Variants in NRXN1 observed in about 807,000 individuals in gnomAD.
NRXN1 encodes neurexin-1.
Under a neutral mutation model 150.9 loss-of-function variants are expected in NRXN1, and 39 were observed. The observed-to-expected ratio is 0.26, with a 90% CI of 0.20 to 0.34. The LOEUF (loss-of-function observed/expected upper bound fraction) is 0.34. Among genes scored for constraint, NRXN1 ranks in the 10% least tolerant of loss-of-function variants. The pLI, the probability that NRXN1 is intolerant of heterozygous loss-of-function variation, is 1.00. For missense variants in NRXN1, 1,815 were observed against 1,949.9 expected (o/e 0.93, Z 1.30); for synonymous variants, 924 against 757.0 (o/e 1.22, Z -3.62).
intron 10 of NRXN1, among the ~76,000 whole-genome samples, chr2:50,535,094 G>A (rs1371705836): frequency 6.6e-6 from 1 of 152,190 alleles, no homozygotes; most frequent in African/African-American, 2.4e-5. Flanking sequence ...CACAATTAGA[G>A]TTAATGTTTA....
At chr2:50,958,331 G>A (rs918520649) in intron 2 of NRXN1, among the ~76,000 whole-genome samples, 9 of 152,128 alleles carry the variant, frequency 5.9e-5, no homozygotes, top group East Asian at 1.9e-4. Flanking sequence ...ACTCTCAAAC[G>A]ACACTGGCTT....
chr2:50,199,225 T>A (rs1021574971), intron 18 of NRXN1: 2 of 152,160 alleles, frequency 1.3e-5, no homozygotes, highest in Non-Finnish European at 2.9e-5. Flanking sequence ...AAAGATTGAA[T>A]CCAAAGGTTC....
chr2:50,763,908 A>C (rs998826459), intron 5 of NRXN1, among the ~76,000 whole-genome samples: 1 of 151,882 alleles, frequency 6.6e-6, no homozygotes, highest in African/African-American at 2.4e-5. Context: ...CTTGGAACTT[A>C]GGAGTGTCCT....
intron 18 of NRXN1, among the ~76,000 whole-genome samples, chr2:50,183,477 CAA>C (rs1488428138): frequency 6.6e-6 from 1 of 151,346 alleles, no homozygotes; most frequent in Non-Finnish European, 1.5e-5. Context: ...TTTTATTTAT[CAA>C]AAAAGTCATT....
intron 2 of NRXN1, among the ~76,000 whole-genome samples, chr2:50,977,270 G>C (rs1447145283): frequency 6.6e-6 from 1 of 151,792 alleles, no homozygotes; most frequent in Non-Finnish European, 1.5e-5. Flanking sequence ...TTGGGGGTCA[G>C]AGATAATAAT....
At position 50,938,557 on chromosome 2, in the gene NRXN1, C is replaced by T. The variant is rs536702720; in HGVS notation, c.773-12602G>A. Among the ~76,000 whole-genome samples, 6 of 152,250 alleles carry T rather than the reference C, an allele frequency of 3.9e-5. No individual in the cohort carries two copies. The South Asian group carries it at 6.2e-4, about 16-fold the overall frequency. Reference sequence around the variant, plus strand: ...TCCACATTTTTGGGTATCTTTATAGCAGTACCCCACTCCTGATATCAATTT... The same window carrying T: ...TCCACATTTTTGGGTATCTTTATAGTAGTACCCCACTCCTGATATCAATTT... On this transcript the variant is annotated intron_variant, in intron 2 of 22. Transcript: ENST00000401669.
intron 5 of NRXN1, among the ~76,000 whole-genome samples, chr2:50,655,476 A>C (rs1171496015): frequency 1.3e-5 from 2 of 151,998 alleles, no homozygotes; most frequent in African/African-American, 4.8e-5. Context: ...ACCCAGTCCA[A>C]TCTGACAAGG....
intron 2 of NRXN1, among the ~76,000 whole-genome samples, chr2:50,950,689 T>G (rs1691179335): frequency 6.6e-6 from 1 of 152,196 alleles, no homozygotes; most frequent in Admixed American, 6.5e-5. Context: ...CAATAATTTT[T>G]GTAACATTAT....
chr2:50,948,263 T>C (rs1381103109), intron 2 of NRXN1, among the ~76,000 whole-genome samples: 1 of 152,014 alleles, frequency 6.6e-6, no homozygotes, highest in Non-Finnish European at 1.5e-5. Flanking sequence ...ACGTCCATTA[T>C]ATATTATGGC....
At chr2:50,577,492 T>C (rs1406753132) in intron 8 of NRXN1, among the ~76,000 whole-genome samples, 1 of 152,152 alleles carries the variant, frequency 6.6e-6, no homozygotes, top group Non-Finnish European at 1.5e-5. Context: ...GATCACATTA[T>C]ATATGGAATT....
intron 17 of NRXN1, among the ~76,000 whole-genome samples, chr2:50,419,984 A>G (rs999530162): frequency 3.3e-5 from 5 of 151,994 alleles, no homozygotes; most frequent in African/African-American, 1.2e-4. Flanking sequence ...GGCCAGCCTT[A>G]CACGTGTAAT....
chr2:51,019,945 T>C (rs1023318491), intron 2 of NRXN1, among the ~76,000 whole-genome samples: 1 of 152,056 alleles, frequency 6.6e-6, no homozygotes, highest in Middle Eastern at 3.2e-3. Context: ...TTGACTTTTA[T>C]ACTCAACATT....
intron 21 of NRXN1, among the ~76,000 whole-genome samples, chr2:50,025,100 C>G (rs1045272008): frequency 6.6e-6 from 1 of 152,258 alleles, no homozygotes; most frequent in Non-Finnish European, 1.5e-5. Context: ...AGGTTAAATT[C>G]TGAATGGGTT....
At chr2:50,622,039 T>C (rs1338094886) in intron 6 of NRXN1, among the ~76,000 whole-genome samples, 2 of 152,086 alleles carry the variant, frequency 1.3e-5, no homozygotes, top group African/African-American at 2.4e-5. Flanking sequence ...TCTTTGTGCA[T>C]ATCTGAGAGA....
intron 5 of NRXN1, among the ~76,000 whole-genome samples, chr2:50,735,502 T>C (rs1226975383): frequency 6.6e-6 from 1 of 152,146 alleles, no homozygotes; most frequent in African/African-American, 2.4e-5. Context: ...TGTCAGATTG[T>C]ATCTCAATAA....
intron 5 of NRXN1, among the ~76,000 whole-genome samples, chr2:50,745,849 C>T (rs1360795374): frequency 1.3e-5 from 2 of 152,080 alleles, no homozygotes; most frequent in Non-Finnish European, 2.9e-5. Context: ...CCACTGGGTC[C>T]CTTTCATCAC....
At chr2:50,180,703 GC>G (rs1362377275) in intron 18 of NRXN1, among the ~76,000 whole-genome samples, 1 of 152,122 alleles carries the variant, frequency 6.6e-6, no homozygotes, top group Non-Finnish European at 1.5e-5. Flanking sequence ...AGATGCTGGA[GC>G]TTTGGTCTTG....
intron 5 of NRXN1, among the ~76,000 whole-genome samples, chr2:50,662,951 C>A (rs558871754): frequency 6.6e-6 from 1 of 152,112 alleles, no homozygotes; most frequent in East Asian, 1.9e-4. Context: ...ATTTATTTGA[C>A]CTGGCAAGAC....
At chr2:50,377,127 A>G (rs2080568337) in intron 17 of NRXN1, among the ~76,000 whole-genome samples, 2 of 152,038 alleles carry the variant, frequency 1.3e-5, no homozygotes, top group Admixed American at 1.3e-4. Flanking sequence ...GATACATGTG[A>G]AGGATGTGCA....
Sources: gnomAD v4.1 joint callset for allele counts (sites outside exome capture counted in the v4.1 genomes callset) on GRCh38, gnomAD v4.1.1 for gene constraint, MANE v1.5 for transcripts, NCBI Gene and HGNC (gene_info 2026-07-23, HGNC 2026-07-21) for gene names.